Variants in TMEFF2 observed in about 807,000 individuals in gnomAD.
TMEFF2 encodes the protein tomoregulin-2.
TMEFF2 carries 28 observed loss-of-function variants against 53.8 expected under a neutral mutation model. That is an observed-to-expected ratio of 0.52 (90% confidence interval 0.39 to 0.71). The LOEUF is 0.71. TMEFF2 is among the 30% of genes least tolerant of loss of function. TMEFF2 has a pLI of 0.00. For missense variants in TMEFF2, 353 were observed against 455.2 expected (o/e 0.78, Z 2.04); for synonymous variants, 162 against 166.3 (o/e 0.97, Z 0.20).
In TMEFF2 at chr2:191,949,552, T is replaced by A; in HGVS notation, c.*759A>T. 6.1e-6 allele frequency: 6 copies of A among 985,458 alleles called. No individual in the cohort carries two copies. Among genetic ancestry groups the A allele is most frequent in the Non-Finnish European group, 7.2e-6 (6 of 829,924 alleles). The allele number at this position is 985,458 out of a possible 1,614,324, so 61.0% of individuals were successfully genotyped here. A position where few individuals can be genotyped will look rare whatever the true frequency, so the allele number is the denominator to read the frequency against. ...CTAAATGGAATATATTTTGCCACTC[T>A]GTGTATACCTAGTATGTAACTTGTT... On this transcript the variant is annotated 3_prime_UTR_variant, in exon 10 of 10. Transcript: ENST00000272771.
At chr2:192,137,579 G>A (rs1192340419) in intron 4 of TMEFF2, among the ~76,000 whole-genome samples, 2 of 151,960 alleles carry the variant, frequency 1.3e-5, no homozygotes, top group Admixed American at 1.3e-4. Context: ...GAGTTTGGGA[G>A]CAAGGAGAGC....
intron 4 of TMEFF2, among the ~76,000 whole-genome samples, chr2:192,154,113 T>C (rs1185122260): frequency 6.6e-6 from 1 of 151,928 alleles, no homozygotes; most frequent in East Asian, 1.9e-4. Flanking sequence ...AGTGGTTCCC[T>C]TGGGTTCCTA....
At chr2:192,191,843 T>C (rs778775126) in intron 2 of TMEFF2, 37 bp downstream of exon 2, 24 of 1,388,272 alleles carry the variant, frequency 1.7e-5, no homozygotes, top group Non-Finnish European at 2.4e-5. Context: ...TGCAGTCTCA[T>C]TAATGAATTA....
At chr2:191,957,984 T>G (rs1259944970) in intron 7 of TMEFF2, among the ~76,000 whole-genome samples, 1 of 152,244 alleles carries the variant, frequency 6.6e-6, no homozygotes, top group East Asian at 1.9e-4. Flanking sequence ...GGTATAATGT[T>G]TTTGGTAGCA....
intron 7 of TMEFF2, among the ~76,000 whole-genome samples, chr2:191,986,966 A>G (rs1201540832): frequency 2.0e-5 from 3 of 152,112 alleles, no homozygotes; most frequent in Non-Finnish European, 2.9e-5. Flanking sequence ...GGAGAATTCA[A>G]GAATGATTAG....
intron 8 of TMEFF2, among the ~76,000 whole-genome samples, chr2:191,955,145 G>T (rs1274681515): frequency 2.0e-5 from 2 of 98,168 alleles, no homozygotes; most frequent in East Asian, 3.3e-4. Context: ...GGGCGGGGAG[G>T]GGGGAGGGAG....
chr2:192,031,283 A>G (rs1030856205), intron 5 of TMEFF2: 8 of 152,170 alleles, frequency 5.3e-5, no homozygotes, highest in Non-Finnish European at 1.0e-4. Flanking sequence ...TTCCTAATAG[A>G]AGGTAAGCTC....
At chr2:191,972,255 C>T (rs968290073) in intron 7 of TMEFF2, among the ~76,000 whole-genome samples, 2 of 150,188 alleles carry the variant, frequency 1.3e-5, no homozygotes, top group Non-Finnish European at 3.0e-5. Flanking sequence ...AGTGATTCTC[C>T]TGCCTCAGCC....
chr2:192,080,248 C>T (rs528997177), intron 4 of TMEFF2, among the ~76,000 whole-genome samples: 1 of 152,136 alleles, frequency 6.6e-6, no homozygotes, highest in East Asian at 1.9e-4. Context: ...TCCCCATAAT[C>T]CCCACGTGTC....
chr2:191,950,464 C>T (rs528730897), intron 9 of TMEFF2, 57 bp from the exon 10 acceptor site: 6 of 1,611,876 alleles, frequency 3.7e-6, no homozygotes, highest in Admixed American at 1.7e-5. Context: ...AAAGTTTGGC[C>T]CTACAATCAC....
At chr2:192,145,128 C>T (rs575915846) in intron 4 of TMEFF2, among the ~76,000 whole-genome samples, 2 of 151,950 alleles carry the variant, frequency 1.3e-5, no homozygotes, top group South Asian at 4.2e-4. Flanking sequence ...ACACAAGGAA[C>T]ACTAAATTAT....
At chr2:191,954,304 C>T (rs6756470) in intron 8 of TMEFF2, among the ~76,000 whole-genome samples, 40,124 of 151,768 alleles carry the variant, frequency 0.26, 5,423 homozygotes, top group Non-Finnish European at 0.29. Flanking sequence ...TACTTATTTT[C>T]AACAAGATGT....
At chr2:192,023,146 T>C (rs1322332195) in intron 5 of TMEFF2, among the ~76,000 whole-genome samples, 1 of 152,220 alleles carries the variant, frequency 6.6e-6, no homozygotes, top group African/African-American at 2.4e-5. Flanking sequence ...TATTTGTCTA[T>C]GTTGGCAGGT....
chr2:192,007,100 C>CT (rs1419796977), intron 5 of TMEFF2, among the ~76,000 whole-genome samples: 1 of 152,148 alleles, frequency 6.6e-6, no homozygotes, highest in African/African-American at 2.4e-5. Context: ...CCAGCCACAT[C>CT]TTTTTTCCCT....
chr2:192,137,402 T>C (rs947903383), intron 4 of TMEFF2, among the ~76,000 whole-genome samples: 3 of 152,102 alleles, frequency 2.0e-5, no homozygotes, highest in African/African-American at 7.2e-5. Flanking sequence ...TGCTACAAAG[T>C]AGGCAGTCAT....
chr2:192,032,820 A>G (rs1347197220), intron 5 of TMEFF2, among the ~76,000 whole-genome samples: 1 of 152,194 alleles, frequency 6.6e-6, no homozygotes, highest in Non-Finnish European at 1.5e-5. Context: ...GAACACTCAC[A>G]GGGTCCTTTT....
intron 7 of TMEFF2, among the ~76,000 whole-genome samples, chr2:191,973,947 G>T (rs1692728585): frequency 6.6e-6 from 1 of 152,092 alleles, no homozygotes; most frequent in Admixed American, 6.6e-5. Flanking sequence ...GTTTCCTGAG[G>T]CCTCCCCAGC....
rs116609805 is a variant in TMEFF2 at position 192,000,615 on chromosome 2, G to A, written c.537-1407C>T. Among the ~76,000 whole-genome samples, 1,010 of 152,126 alleles carry A rather than the reference G, an allele frequency of 6.6e-3. 25 individuals carry two copies. The highest frequency in any genetic ancestry group is 0.023 in the African/African-American group (948 of 41,500). Reference sequence around the variant, plus strand: ...ATCCTGGCACCAGACTCAATTCCTGGGAATCACTGCTTGATCAGTCTGTTG... The same window carrying A: ...ATCCTGGCACCAGACTCAATTCCTGAGAATCACTGCTTGATCAGTCTGTTG... On this transcript the variant is annotated intron_variant, in intron 5 of 9. Coordinates refer to ENST00000272771, the MANE Select transcript of TMEFF2 (RefSeq NM_016192.4).
At chr2:192,189,359 C>T (rs957411113) in intron 2 of TMEFF2, among the ~76,000 whole-genome samples, 13 of 151,384 alleles carry the variant, frequency 8.6e-5, no homozygotes, top group Admixed American at 2.0e-4. Context: ...GCCTGGGTAA[C>T]GTGGTGAAAC....
Sources: allele counts gnomAD v4.1 joint callset (sites outside exome capture counted in the v4.1 genomes callset), GRCh38; gene constraint gnomAD v4.1.1; transcripts MANE v1.5; gene names NCBI Gene and HGNC (gene_info 2026-07-23, HGNC 2026-07-21).